The following WDR83 variants were observed in gnomAD, a reference collection of about 807,000 sequenced individuals.
WDR83 encodes WD repeat domain 83.
A neutral mutation model predicts 37.7 loss-of-function variants in WDR83; 37 were observed. The ratio of observed to expected loss-of-function variants is 0.98; its 90% CI spans 0.76 to 1.29. The LOEUF (loss-of-function observed/expected upper bound fraction) is 1.29, where lower values mean the gene tolerates loss of function less well. WDR83 is among the 50% of genes most tolerant of loss of function. WDR83 has a pLI of 0.00. For missense variants in WDR83, 445 were observed against 414.4 expected, an observed-to-expected ratio of 1.07 and a Z score of -0.64; for synonymous variants, 174 against 181.1, an observed-to-expected ratio of 0.96 and a Z score of 0.31.
In WDR83 at chr19:12,669,674, T is replaced by A. The variant is rs952572198; in HGVS notation, c.-36-81T>A. The A allele has an allele frequency of 1.1e-5, 13 of 1,165,574 alleles. No homozygotes were observed. The East Asian group carries it at 3.2e-4, about 28-fold the overall frequency. 72.2% of individuals were successfully genotyped at this position (1,165,574 alleles called of 1,614,324 possible). ...GCCAAAATGATGAACCCGGAAGTGA[T>A]AAACAGGAAGTAGGTCAGGAAGAAC... On this transcript the variant is annotated intron_variant, in intron 2 of 10. Transcript: ENST00000418543.
chr19:12,669,182 C>T, intron 2 of WDR83: 1 of 1,614,124 alleles, frequency 6.2e-7, no homozygotes, highest in Non-Finnish European at 8.5e-7. Context: ...TCATGTAGTC[C>T]GGCGTCGGGT....
In WDR83 at chr19:12,670,438, G is replaced by C; in HGVS notation, c.331-125G>C. On this transcript the variant is annotated intron_variant, in intron 5 of 10. Coordinates refer to ENST00000418543, the MANE Select transcript of WDR83 (RefSeq NM_001099737.3). The stretch of plus-strand genomic sequence containing the variant: ...CCAGGCTAGGCAGTCACCAACCCCT[G>C]TCCTTGCTGTTCCCCCAAAACCTTT... 5 of 1,525,054 alleles carry C rather than the reference G, an allele frequency of 3.3e-6. No homozygotes were observed. The Admixed American group carries it at 6.8e-5, about 21-fold the overall frequency. 94.5% of individuals were successfully genotyped at this position (1,525,054 alleles called of 1,614,324 possible). A position where few individuals can be genotyped will look rare whatever the true frequency, so the allele number is the denominator to read the frequency against.
At chr19:12,670,875 G>C in intron 7 of WDR83, 54 bp downstream of exon 7, 1 of 1,578,630 alleles carries the variant, frequency 6.3e-7, no homozygotes, top group African/African-American at 1.4e-5. Flanking sequence ...AATCATAGCT[G>C]CCCCCATGCT....
rs748215969 is a variant in WDR83 at position 12,666,961 on chromosome 19, G to A, written c.-188G>A. On this transcript the variant is annotated 5_prime_UTR_variant, in exon 1 of 11. Coordinates refer to ENST00000418543, the MANE Select transcript of WDR83 (RefSeq NM_001099737.3). ...TGAAGACGGAATGCCTCTTAATGCC[G>A]GAATTCCAAGACGGAATGCCTCTTA... 28 of 558,906 alleles carry A rather than the reference G, an allele frequency of 5.0e-5. No homozygotes were observed. Among genetic ancestry groups the A allele is most frequent in the Non-Finnish European group, 7.3e-5 (23 of 315,940 alleles). The allele number at this position is 558,906 out of a possible 1,614,324, so 34.6% of individuals were successfully genotyped here. A position where few individuals can be genotyped will look rare whatever the true frequency, so the allele number is the denominator to read the frequency against.
At position 12,672,997 on chromosome 19, in the gene WDR83, C is replaced by CT. The variant is rs761946348; in HGVS notation, c.575-9dup. 5.0e-5 allele frequency: 81 copies of CT among 1,611,410 alleles called. No homozygotes were observed. The highest frequency in any genetic ancestry group is 1.3e-4 in the Admixed American group (8 of 59,714). ...CCCCACCCTCACTCACCTACCCACC[C>CT]TTCCCCCAAGGCCCCATCACCTGCA... On this transcript the variant is annotated splice_polypyrimidine_tract_variant and intron_variant, in intron 8 of 10. Transcript: ENST00000418543.
chr19:12,669,546 G>A (rs1314114554), intron 2 of WDR83: 12 of 1,076,514 alleles, frequency 1.1e-5, no homozygotes, highest in Middle Eastern at 3.0e-4. Flanking sequence ...CCCTTACCCA[G>A]AGAACGGAGA....
At position 12,673,110 on chromosome 19, in the gene WDR83, T is replaced by C; in HGVS notation, c.677T>C (p.Leu226Pro). The change falls in exon 9 of 11, where the codon CTG becomes CCG. Residue 226 changes from leucine (L) to proline (P), a missense_variant. Transcript: ENST00000418543. ...CTGGACAAAGACACAGGGGAGCTGC[T>C]GGGCGAGTGAGTCCTTGTGGTCGTG... ...RLLDKDTGEL[L>P]GEYKGHKNQE... 6.2e-7 allele frequency: 1 copy of C among 1,612,646 alleles called. No individual in the cohort carries two copies. Among genetic ancestry groups the C allele is most frequent in the Non-Finnish European group, 8.5e-7 (1 of 1,178,960 alleles).
At chr19:12,673,410 C>CTTTTTTT (rs58676851) in intron 10 of WDR83, 94 bp downstream of exon 10, 1 of 220,352 alleles carries the variant, frequency 4.5e-6, no homozygotes, top group Non-Finnish European at 8.4e-6. Flanking sequence ...AGGCTAGGAT[C>CTTTTTTT]TTTTTTTTTT....
At chr19:12,667,834 A>G (rs1394894115) in intron 1 of WDR83, among the ~76,000 whole-genome samples, 4 of 131,160 alleles carry the variant, frequency 3.0e-5, no homozygotes, top group South Asian at 2.2e-4. Context: ...CTTAAAAAGG[A>G]AAAAAAAAAA....
chr19:12,669,005 A>T, intron 2 of WDR83: 1 of 992,194 alleles, frequency 1.0e-6, no homozygotes, highest in South Asian at 1.4e-5. Context: ...TCGCAGCCCC[A>T]CTCCCGGCCG....
chr19:12,675,006 C>T (rs1358500501), intron 10 of WDR83, among the ~76,000 whole-genome samples: 6 of 151,968 alleles, frequency 3.9e-5, no homozygotes, highest in Admixed American at 1.3e-4. Flanking sequence ...CCCACCTACT[C>T]GGGAGGCTGA....
intron 1 of WDR83, chr19:12,668,250 G>T: frequency 8.6e-7 from 1 of 1,163,476 alleles, no homozygotes; most frequent in Non-Finnish European, 1.2e-6. Context: ...CACCGAGACG[G>T]CCTCATTCAG....
intron 10 of WDR83, 65 bp downstream of exon 10, chr19:12,673,381 C>T: frequency 1.1e-6 from 1 of 926,266 alleles, no homozygotes; most frequent in Non-Finnish European, 1.8e-6. Flanking sequence ...GTCCTTACCT[C>T]AGTCACTCCA....
In WDR83 at chr19:12,675,807, G is replaced by C; in HGVS notation, c.*135G>C. 1.3e-6 allele frequency: 2 copies of C among 1,571,162 alleles called. No homozygotes were observed. The highest frequency in any genetic ancestry group is 1.7e-6 in the Non-Finnish European group (2 of 1,156,328). ...GGTCTGCAAATTAATAAATAGAAGA[G>C]GGGGTAAGACCTTCCTGGGACCGCA... On this transcript the variant is annotated 3_prime_UTR_variant, in exon 11 of 11. Coordinates refer to ENST00000418543, the MANE Select transcript of WDR83 (RefSeq NM_001099737.3).
Position 12,668,597 on chromosome 19 carries a change from G to T in WDR83, c.-67G>T. 2 of 1,614,028 alleles carry T rather than the reference G, an allele frequency of 1.2e-6. No individual in the cohort carries two copies. The highest frequency in any genetic ancestry group is 2.2e-5 in the South Asian group (2 of 91,030). On this transcript the variant is annotated 5_prime_UTR_variant, in exon 2 of 11. Transcript: ENST00000418543. ...AGCTGATGAAGGAGCAGTAGACAGC[G>T]ACCCAAGCACACCACTTCAGCTAGG...
At chr19:12,672,050 C>G (rs756800448) in intron 7 of WDR83, among the ~76,000 whole-genome samples, 1 of 152,140 alleles carries the variant, frequency 6.6e-6, no homozygotes, top group Non-Finnish European at 1.5e-5. Flanking sequence ...TCATAAAGAT[C>G]TTCGTGTTGA....
chr19:12,669,320 C>T (rs1336744967), intron 2 of WDR83: 2 of 1,605,930 alleles, frequency 1.2e-6, no homozygotes, highest in Non-Finnish European at 8.5e-7. Flanking sequence ...ACACCCACAA[C>T]CCGAACCCGT....
intron 10 of WDR83, among the ~76,000 whole-genome samples, chr19:12,673,566 T>C (rs968304528): frequency 1.3e-5 from 2 of 152,012 alleles, no homozygotes; most frequent in African/African-American, 4.8e-5. Flanking sequence ...TATAGGTGCG[T>C]GCCACCACAC....
intron 2 of WDR83, among the ~76,000 whole-genome samples, chr19:12,668,872 T>C (rs1036402938): frequency 6.6e-6 from 1 of 152,136 alleles, no homozygotes; most frequent in African/African-American, 2.4e-5. Context: ...CTGCCCTTTT[T>C]CCACAACTCC....
Sources: gnomAD v4.1 joint callset for allele counts (sites outside exome capture counted in the v4.1 genomes callset) on GRCh38, gnomAD v4.1.1 for gene constraint, MANE v1.5 for transcripts, NCBI Gene and HGNC (gene_info 2026-07-23, HGNC 2026-07-21) for gene names.